The following CTBP2 variants were observed in gnomAD, a reference collection of about 807,000 sequenced individuals.
CTBP2 encodes C-terminal binding protein 2.
CTBP2 carries 30 observed loss-of-function variants against 80.3 expected under a neutral mutation model. The ratio of observed to expected loss-of-function variants is 0.37; its 90% CI spans 0.28 to 0.51. CTBP2 has a LOEUF of 0.51. CTBP2 is among the 20% of genes least tolerant of loss of function. The pLI is 0.93. For synonymous variants in CTBP2, 594 were observed against 587.4 expected, an observed-to-expected ratio of 1.01 and a Z score of -0.16; for missense variants, 1,212 against 1,375.3, an observed-to-expected ratio of 0.88 and a Z score of 1.88.
rs1217652428 is a variant in CTBP2 at position 124,989,143 on chromosome 10, A to G, written c.*375T>C. The G allele has an allele frequency of 1.4e-5, 3 of 221,186 alleles. No individual in the cohort carries two copies. Among genetic ancestry groups the G allele is most frequent in the Admixed American group, 5.4e-5 (1 of 18,590 alleles). 13.7% of individuals were successfully genotyped at this position (221,186 alleles called of 1,614,324 possible). Reference sequence around the variant, plus strand: ...GTCACAGGATGGGGATTTCCTCTTAATATTTTTTATTTTGTTGTTTGAACT... The same window carrying G: ...GTCACAGGATGGGGATTTCCTCTTAGTATTTTTTATTTTGTTGTTTGAACT... On this transcript the variant is annotated 3_prime_UTR_variant, in exon 9 of 9. Coordinates refer to ENST00000309035, the MANE Select transcript of CTBP2 (RefSeq NM_022802.3).
chr10:125,049,993 T>C, intron 2 of CTBP2, among the ~76,000 whole-genome samples: 1 of 152,182 alleles, frequency 6.6e-6, no homozygotes, highest in East Asian at 1.9e-4. Context: ...CACCAGTAGT[T>C]TGGGCATGCA....
intron 3 of CTBP2, among the ~76,000 whole-genome samples, chr10:125,038,393 CT>C (rs1255199596): frequency 6.6e-6 from 1 of 152,132 alleles, no homozygotes; most frequent in East Asian, 1.9e-4. Flanking sequence ...GCACTCACCC[CT>C]AAACCCGAAC....
At position 125,051,735 on chromosome 10, in the gene CTBP2, C is replaced by T. The variant is rs145381887; in HGVS notation, c.-101-12580G>A. 2.1e-3 allele frequency among the ~76,000 whole-genome samples: 320 copies of T among 152,030 alleles called. 1 individual carries two copies. Among genetic ancestry groups the T allele is most frequent in the Non-Finnish European group, 2.8e-3 (189 of 67,984 alleles). The stretch of plus-strand genomic sequence containing the variant: ...TGACTGTTACAGGTTGAATTATGGA[C>T]CCCCCTAATTATGTTAAAGTTCTAA... On this transcript the variant is annotated intron_variant, in intron 2 of 10. Transcript: ENST00000337195.
Position 124,997,960 on chromosome 10 carries a change from G to T in CTBP2, c.2185+4C>A, listed in dbSNP as rs183609554. On this transcript the variant is annotated splice_donor_region_variant and intron_variant, in intron 4 of 8. Transcript: ENST00000309035. ...TGGGGGTCAGCGCAGAGGGTGGCAC[G>T]TACCAAAGCCAATGAGGCCCAGCGT... The T allele has an allele frequency of 1.2e-6, 2 of 1,610,562 alleles. No homozygotes were observed. Among genetic ancestry groups the T allele is most frequent in the Non-Finnish European group, 8.5e-7 (1 of 1,179,230 alleles).
chr10:125,043,130 G>A (rs1381160720), intron 2 of CTBP2, among the ~76,000 whole-genome samples: 2 of 152,228 alleles, frequency 1.3e-5, no homozygotes, highest in Non-Finnish European at 2.9e-5. Context: ...GATTTGTTCC[G>A]TGGAGGTATC....
intron 1 of CTBP2, among the ~76,000 whole-genome samples, chr10:125,129,652 A>G (rs1033316754): frequency 6.6e-6 from 1 of 152,224 alleles, no homozygotes; most frequent in Non-Finnish European, 1.5e-5. Context: ...ACTGAAAACA[A>G]TACCAAGACA....
intron 2 of CTBP2, among the ~76,000 whole-genome samples, chr10:125,086,821 C>T (rs1389902862): frequency 6.6e-6 from 1 of 152,078 alleles, no homozygotes; most frequent in African/African-American, 2.4e-5. Context: ...CCAAAGCAGA[C>T]TAAGACAACA....
At chr10:125,017,570 T>C (rs1009833248) in intron 1 of CTBP2, among the ~76,000 whole-genome samples, 1 of 151,800 alleles carries the variant, frequency 6.6e-6, no homozygotes, top group African/African-American at 2.4e-5. Flanking sequence ...GTTACAGCTG[T>C]TCCCAACAGC....
In CTBP2 at chr10:125,077,684, G is replaced by GA. The variant is rs565247208; in HGVS notation, c.-102+33305dup. The stretch of plus-strand genomic sequence containing the variant: ...CTGGGAGCCTGCCTAAAAGAACCCT[G>GA]AAAACCCAGGTCAGCTGAAGAAATC... On this transcript the variant is annotated intron_variant, in intron 2 of 10. Coordinates refer to the CTBP2 transcript ENST00000337195. Among the ~76,000 whole-genome samples, 702 of 152,278 alleles carry GA rather than the reference G, an allele frequency of 4.6e-3. 6 individuals carry two copies. The highest frequency in any genetic ancestry group is 0.015 in the African/African-American group (642 of 41,568).
At chr10:125,106,206 G>C (rs146462634) in intron 2 of CTBP2, among the ~76,000 whole-genome samples, 1 of 151,750 alleles carries the variant, frequency 6.6e-6, no homozygotes, top group East Asian at 1.9e-4. Flanking sequence ...TGCACCCCAT[G>C]TGCGGCCCCA....
At position 125,027,507 on chromosome 10, in the gene CTBP2, A is replaced by G. The variant is rs760121050; in HGVS notation, c.253T>C (p.Ser85Pro). ...TCGTAGAAGGTGAAGTCAGGAGTAG[A>G]CCCCTTTCTTGCAGCCACTGAGTTA... The change falls in exon 1 of 9, where the codon TCT becomes CCT. Residue 85 changes from serine to proline, a missense_variant. Physicochemically the swap from Ser to Pro is moderately conservative, Grantham distance 74. Transcript: ENST00000309035. 1.2e-6 allele frequency: 2 copies of G among 1,613,716 alleles called. No homozygotes were observed. Among genetic ancestry groups the G allele is most frequent in the South Asian group, 2.2e-5 (2 of 91,054 alleles).
At chr10:125,131,474 TGAGTG>T (rs1856173693) in intron 1 of CTBP2, among the ~76,000 whole-genome samples, 1 of 152,046 alleles carries the variant, frequency 6.6e-6, no homozygotes, top group Non-Finnish European at 1.5e-5. Context: ...TGAGCAAGAA[TGAGTG>T]AAGTGAAGCC....
At chr10:125,121,709 C>G (rs1412440857) in intron 1 of CTBP2, among the ~76,000 whole-genome samples, 2 of 152,212 alleles carry the variant, frequency 1.3e-5, no homozygotes, top group Non-Finnish European at 2.9e-5. Flanking sequence ...AATCACAGTG[C>G]CAAACGAATA....
intron 2 of CTBP2, among the ~76,000 whole-genome samples, chr10:125,105,673 A>AT (rs200430875): frequency 4.3e-4 from 66 of 152,080 alleles, no homozygotes; most frequent in Admixed American, 1.2e-3. Context: ...AAACCAAGAC[A>AT]TTTTTTTAAA....
chr10:124,996,713 C>T (rs1953644948), intron 4 of CTBP2: 1 of 152,110 alleles, frequency 6.6e-6, no homozygotes, highest in South Asian at 2.1e-4. Context: ...CCCCCAGGCT[C>T]TGCAGCCTGG....
At chr10:125,161,312 G>C (rs891231119), upstream of CTBP2, 47 of 152,146 alleles carry the variant, frequency 3.1e-4, no homozygotes, top group African/African-American at 9.9e-4. Context: ...GGCAGGGGCC[G>C]AGGTCCTGTC....
intron 2 of CTBP2, among the ~76,000 whole-genome samples, chr10:125,093,788 C>T (rs560419517): frequency 4.6e-5 from 7 of 152,290 alleles, no homozygotes; most frequent in Non-Finnish European, 7.3e-5. Flanking sequence ...CGCGCGCAAC[C>T]GTGGCTGGAA....
intron 1 of CTBP2, among the ~76,000 whole-genome samples, chr10:125,143,625 G>C (rs1370946823): frequency 6.6e-6 from 1 of 152,004 alleles, no homozygotes; most frequent in African/African-American, 2.4e-5. Context: ...AGTTTCCCCA[G>C]TAATGCATAA....
intron 2 of CTBP2, among the ~76,000 whole-genome samples, chr10:125,067,282 G>A (rs73377237): frequency 0.013 from 2,019 of 152,244 alleles, 48 homozygotes; most frequent in African/African-American, 0.046. Flanking sequence ...AACTGCCACC[G>A]CCATGTGGGG....
Sources: allele counts gnomAD v4.1 joint callset (sites outside exome capture counted in the v4.1 genomes callset), GRCh38; gene constraint gnomAD v4.1.1; transcripts MANE v1.5; gene names NCBI Gene and HGNC (gene_info 2026-07-23, HGNC 2026-07-21).